PCDH15: variants seen among roughly 807,000 people sequenced by gnomAD.
PCDH15 encodes the protein protocadherin-15.
In PCDH15, 129 loss-of-function variants were observed where a neutral mutation model predicts 178.5. That is an observed-to-expected ratio of 0.72 (90% confidence interval 0.63 to 0.84). The LOEUF (loss-of-function observed/expected upper bound fraction) is 0.84. Among genes scored for constraint, PCDH15 ranks in the 40% least tolerant of loss-of-function variants. The pLI is 0.00. For missense variants in PCDH15, 2,230 were observed against 2,099.9 expected (o/e 1.06, Z -1.21); for synonymous variants, 800 against 732.0 (o/e 1.09, Z -1.50).
chr10:54,328,062 C>T (rs909832152), intron 7 of PCDH15, among the ~76,000 whole-genome samples: 1 of 151,972 alleles, frequency 6.6e-6, no homozygotes, highest in Non-Finnish European at 1.5e-5. Context: ...ATAATGATAT[C>T]TATCCAACTT....
At chr10:55,459,534 C>A (rs1157580248) in intron 2 of PCDH15, among the ~76,000 whole-genome samples, 1 of 151,982 alleles carries the variant, frequency 6.6e-6, no homozygotes, top group Non-Finnish European at 1.5e-5. Context: ...ATCATGATAT[C>A]ATCTAAAATT....
chr10:55,619,554 T>G (rs1843546157), intron 2 of PCDH15, among the ~76,000 whole-genome samples: 1 of 152,024 alleles, frequency 6.6e-6, no homozygotes, highest in Non-Finnish European at 1.5e-5. Flanking sequence ...AATGCCTAGC[T>G]TGCAATAACT....
intron 2 of PCDH15, among the ~76,000 whole-genome samples, chr10:54,984,944 G>A (rs1309421005): frequency 6.6e-6 from 1 of 152,104 alleles, no homozygotes; most frequent in Non-Finnish European, 1.5e-5. Flanking sequence ...AAGTAATTTT[G>A]TAAGAGTTTT....
intron 8 of PCDH15, among the ~76,000 whole-genome samples, chr10:54,259,315 G>A (rs2057147726): frequency 6.6e-6 from 1 of 152,126 alleles, no homozygotes; most frequent in Non-Finnish European, 1.5e-5. Flanking sequence ...GGTCACCTTA[G>A]GTCTAGCTGA....
Position 53,840,327 on chromosome 10 carries a change from G to A in PCDH15, c.3976C>T (p.Leu1326Phe). Reference protein sequence around the residue: ...QTNRAIDRNELFKFLDGKLLD... With the variant: ...QTNRAIDRNEFFKFLDGKLLD... ...ATAACAAAAAGCACTTACTTAAAAA[G>A]CTCATTTCTATCGATGGCTCTGTTG... The change falls in exon 29 of 38, where the codon CTT becomes TTT. Residue 1326 changes from leucine (L) to phenylalanine (F), a missense_variant. Transcript: ENST00000644397. The A allele has an allele frequency of 6.2e-7, 1 of 1,614,002 alleles. No individual in the cohort carries two copies. Among genetic ancestry groups the A allele is most frequent in the South Asian group, 1.1e-5 (1 of 91,080 alleles).
At chr10:53,838,226 C>T (rs980444171) in intron 29 of PCDH15, among the ~76,000 whole-genome samples, 6 of 151,958 alleles carry the variant, frequency 3.9e-5, no homozygotes, top group East Asian at 1.9e-4. Context: ...CCACCCACCT[C>T]GGCCTCCCAA....
chr10:55,073,998 T>C (rs986419120), intron 2 of PCDH15, among the ~76,000 whole-genome samples: 4 of 152,264 alleles, frequency 2.6e-5, no homozygotes, highest in Middle Eastern at 3.4e-3. Flanking sequence ...TTGCTGAGGA[T>C]AATGGCACCC....
intron 2 of PCDH15, among the ~76,000 whole-genome samples, chr10:54,569,579 A>G (rs552596703): frequency 6.6e-6 from 1 of 152,276 alleles, no homozygotes; most frequent in South Asian, 2.1e-4. Context: ...TAATTGTGCC[A>G]AAGTAAATTC....
At chr10:54,980,721 C>A (rs1461962775) in intron 2 of PCDH15, among the ~76,000 whole-genome samples, 1 of 151,952 alleles carries the variant, frequency 6.6e-6, no homozygotes, top group African/African-American at 2.4e-5. Flanking sequence ...TTACACTTTT[C>A]AATCAAATTC....
At chr10:55,066,068 A>G (rs1045692421) in intron 2 of PCDH15, among the ~76,000 whole-genome samples, 5 of 151,476 alleles carry the variant, frequency 3.3e-5, no homozygotes, top group Admixed American at 2.6e-4. Flanking sequence ...TATGTCAGGA[A>G]TTTTTTTTGC....
intron 13 of PCDH15, among the ~76,000 whole-genome samples, chr10:54,168,509 C>T (rs1217037837): frequency 6.6e-6 from 1 of 152,288 alleles, no homozygotes; most frequent in Non-Finnish European, 1.5e-5. Context: ...TTTTTATCGC[C>T]TCCCCTCCTC....
At chr10:53,807,426 G>A (rs1841263716) in intron 37 of PCDH15, among the ~76,000 whole-genome samples, 1 of 152,102 alleles carries the variant, frequency 6.6e-6, no homozygotes, top group Non-Finnish European at 1.5e-5. Flanking sequence ...GGAAAAAAAT[G>A]TATTACTTTT....
chr10:53,998,131 T>C (rs2091942386), intron 20 of PCDH15, among the ~76,000 whole-genome samples: 1 of 152,190 alleles, frequency 6.6e-6, no homozygotes, highest in African/African-American at 2.4e-5. Context: ...CCATGCTCTT[T>C]TCTCTTGCCC....
chr10:53,873,916 C>T (rs184421090), intron 26 of PCDH15, among the ~76,000 whole-genome samples: 4 of 152,236 alleles, frequency 2.6e-5, no homozygotes, highest in East Asian at 1.9e-4. Context: ...ACACTAGAAA[C>T]GCAGCCATCC....
At chr10:54,519,954 T>C (rs377652241) in intron 3 of PCDH15, among the ~76,000 whole-genome samples, 3 of 152,104 alleles carry the variant, frequency 2.0e-5, no homozygotes, top group African/African-American at 7.2e-5. Context: ...CAAAAACAAG[T>C]AATGGGGAAA....
chr10:54,282,378 C>A (rs1160470728), intron 8 of PCDH15, among the ~76,000 whole-genome samples: 2 of 152,000 alleles, frequency 1.3e-5, no homozygotes, highest in Non-Finnish European at 2.9e-5. Context: ...CCATACACTG[C>A]ACTAGAAATA....
rs1264383341 is a variant in PCDH15, at chr10:54,153,147, G to GT, written c.1736dup (p.Tyr579Ter). 5.6e-6 allele frequency: 9 copies of GT among 1,613,894 alleles called. No individual in the cohort carries two copies. The highest frequency in any genetic ancestry group is 2.2e-5 in the East Asian group (1 of 44,858). Reference sequence around the variant, plus strand: ...TATCCGCTGCTTGGACCGTGAGTGCGTAAGTCCGCCCGACTATCATTTCCA... The same window carrying GT: ...TATCCGCTGCTTGGACCGTGAGTGCGTTAAGTCCGCCCGACTATCATTTCCA... ...PGVEMIVGRT[Y>*]ALTVQAADNA... is the part of the protein sequence containing the mutation. The change falls in exon 14 of 38, where the codon TAC becomes TAAC. Residue 579 changes from tyrosine to a stop codon, truncating the protein, a stop_gained and frameshift_variant. Transcript: ENST00000644397. LOFTEE classifies it high-confidence loss of function.
Position 55,553,790 on chromosome 10 carries a change from T to C in PCDH15, c.-156+73835A>G, listed in dbSNP as rs562491140. On this transcript the variant is annotated intron_variant, in intron 2 of 5. Transcript: ENST00000613346. ...ATGTAGTTGAGAGTCTGTTACAAAC[T>C]AAGTGATCAATATATATAAGTTCTG... 2.0e-4 allele frequency among the ~76,000 whole-genome samples: 31 copies of C among 151,940 alleles called. 1 individual carries two copies. The highest frequency in any genetic ancestry group is 4.6e-4 in the Non-Finnish European group (31 of 67,882).
At chr10:55,566,521 AT>A in intron 2 of PCDH15, among the ~76,000 whole-genome samples, 1 of 151,802 alleles carries the variant, frequency 6.6e-6, no homozygotes, top group Admixed American at 6.6e-5. Context: ...AAGAAGTCAA[AT>A]TATCTTTGTT....
Sources: allele counts gnomAD v4.1 joint callset (sites outside exome capture counted in the v4.1 genomes callset), GRCh38; gene constraint gnomAD v4.1.1; transcripts MANE v1.5; gene names NCBI Gene and HGNC (gene_info 2026-07-23, HGNC 2026-07-21).